The following KANSL1L variants were observed in gnomAD, a reference collection of about 807,000 sequenced individuals.
KANSL1L encodes KAT8 regulatory NSL complex subunit 1-like protein.
Under a neutral mutation model 108.6 loss-of-function variants are expected in KANSL1L, and 25 were observed. The ratio of observed to expected loss-of-function variants is 0.23; its 90% CI spans 0.17 to 0.32. KANSL1L has a LOEUF of 0.32. Ranked by LOEUF, KANSL1L falls within the 10% of genes least tolerant of loss-of-function variation. The pLI, the probability that KANSL1L is intolerant of heterozygous loss-of-function variation, is 1.00. For missense variants in KANSL1L, 1,137 were observed against 1,125.7 expected, an observed-to-expected ratio of 1.01 and a Z score of -0.14; for synonymous variants, 405 against 395.1, an observed-to-expected ratio of 1.03 and a Z score of -0.30.
chr2:210,068,111 C>T (rs1393098866), intron 6 of KANSL1L, among the ~76,000 whole-genome samples: 3 of 152,000 alleles, frequency 2.0e-5, no homozygotes, highest in Non-Finnish European at 4.4e-5. Flanking sequence ...CTCCTGACCT[C>T]GTGATCCATC....
intron 6 of KANSL1L, among the ~76,000 whole-genome samples, chr2:210,064,817 C>CAAAAAA (rs1168784210): frequency 4.7e-5 from 2 of 42,250 alleles, no homozygotes; most frequent in African/African-American, 1.6e-4. Context: ...CCTCCCCCAC[C>CAAAAAA]AAAAAAAAAA....
chr2:210,171,660 G>GAAA, upstream of KANSL1L: 1 of 145,386 alleles, frequency 6.9e-6, no homozygotes, highest in Non-Finnish European at 1.5e-5. Flanking sequence ...TGGCGAGGGG[G>GAAA]AAAAAAAAAA....
chr2:210,165,780 A>G (rs1687917970), intron 1 of KANSL1L, among the ~76,000 whole-genome samples: 1 of 152,210 alleles, frequency 6.6e-6, no homozygotes, highest in Admixed American at 6.5e-5. Context: ...AGTTGTTCTG[A>G]AATTGTGTAA....
intron 2 of KANSL1L, among the ~76,000 whole-genome samples, chr2:210,138,927 C>T (rs150902465): frequency 1.8e-4 from 27 of 151,946 alleles, no homozygotes; most frequent in African/African-American, 5.1e-4. Context: ...GGCGAAACCC[C>T]GCCTCTACTA....
At position 210,040,522 on chromosome 2, in the gene KANSL1L, G is replaced by A. The variant is rs772835557; in HGVS notation, c.1927C>T (p.Pro643Ser). Residue 643 changes from proline to serine, a missense_variant, in exon 8 of 15, where the codon CCT (proline) becomes TCT (serine). This residue lies in a region of KANSL1L where 575 missense variants were observed against 567.1 expected (regional missense o/e 1.01). Coordinates refer to ENST00000281772, the MANE Select transcript of KANSL1L (RefSeq NM_152519.4). ...HSVLSLPSDV[P>S]LHFHFETLLK... is the part of the protein sequence containing the mutation. Reference sequence around the variant, plus strand: ...AGTGTTTCAAAGTGAAAATGAAGAGGCACATCTGGAAAAATAAAATAAAAA... The same window carrying A: ...AGTGTTTCAAAGTGAAAATGAAGAGACACATCTGGAAAAATAAAATAAAAA... 7.5e-6 allele frequency: 11 copies of A among 1,460,020 alleles called. No individual in the cohort carries two copies. In the Admixed American group the frequency reaches 1.9e-4, roughly 25 times the overall value. The allele number at this position is 1,460,020 out of a possible 1,614,324, so 90.4% of individuals were successfully genotyped here.
At position 210,069,339 on chromosome 2, in the gene KANSL1L, A is replaced by G. The variant is rs188520070; in HGVS notation, c.1755+6213T>C. 2.2e-3 allele frequency among the ~76,000 whole-genome samples: 331 copies of G among 152,346 alleles called. 2 individuals carry two copies. Among genetic ancestry groups the G allele is most frequent in the Non-Finnish European group, 2.7e-3 (185 of 68,034 alleles). On this transcript the variant is annotated intron_variant, in intron 6 of 14. Coordinates refer to ENST00000281772, the MANE Select transcript of KANSL1L (RefSeq NM_152519.4). ...TGATGATATACATATTCTCTAAGAT[A>G]ACAGCAGCTTTGTCTTTCATTTTCC...
At chr2:210,079,648 A>ATATATATATATGTATGTG (rs2094570727) in intron 5 of KANSL1L, among the ~76,000 whole-genome samples, 22 of 15,174 alleles carry the variant, frequency 1.4e-3, no homozygotes, top group South Asian at 3.2e-3. Context: ...ATATATATAT[A>ATATATATATATGTATGTG]TATATATATA....
chr2:210,148,530 T>C (rs2095281121), intron 2 of KANSL1L, among the ~76,000 whole-genome samples: 2 of 152,194 alleles, frequency 1.3e-5, no homozygotes. Flanking sequence ...GGAAGGACTA[T>C]ATCTTAAATC....
At chr2:210,135,408 A>C (rs1329026822) in intron 2 of KANSL1L, among the ~76,000 whole-genome samples, 1 of 152,182 alleles carries the variant, frequency 6.6e-6, no homozygotes, top group African/African-American at 2.4e-5. Context: ...TTTTTGGATA[A>C]TAGAGCTCCT....
At position 210,044,181 on chromosome 2, in the gene KANSL1L, T is replaced by C. The variant is rs1287418705; in HGVS notation, c.1756-77A>G. 9.9e-7 allele frequency: 1 copy of C among 1,014,820 alleles called. No homozygotes were observed. Among genetic ancestry groups the C allele is most frequent in the Non-Finnish European group, 1.3e-6 (1 of 743,172 alleles). 62.9% of individuals were successfully genotyped at this position (1,014,820 alleles called of 1,614,324 possible). On this transcript the variant is annotated intron_variant, in intron 6 of 14. Coordinates refer to ENST00000281772, the MANE Select transcript of KANSL1L (RefSeq NM_152519.4). This position sits in a 1 kb window ranked among gnomAD's most constrained non-coding sequence, Gnocchi z 4.2. ...CATATCTCTACATTTATTTAGGTTA[T>C]CTTTAAATAAAATTTTCCAGTTCTA...
chr2:210,145,022 G>T (rs2095255836), intron 2 of KANSL1L, among the ~76,000 whole-genome samples: 1 of 152,196 alleles, frequency 6.6e-6, no homozygotes, highest in Non-Finnish European at 1.5e-5. Context: ...GGTGCAGTGT[G>T]ACAGTTCTGA....
At chr2:210,170,615 T>G (rs1444512175) in intron 1 of KANSL1L, 1 of 152,402 alleles carries the variant, frequency 6.6e-6, no homozygotes, top group Non-Finnish European at 1.5e-5. Flanking sequence ...CTATCCCATC[T>G]AACTCTAAAG....
rs373718478 is a variant in KANSL1L, at chr2:210,119,094, G to A, written c.1230+9937C>T. On this transcript the variant is annotated intron_variant, in intron 3 of 14. Coordinates refer to ENST00000281772, the MANE Select transcript of KANSL1L (RefSeq NM_152519.4). Reference sequence around the variant, plus strand: ...AGCTACTCAGGAGGCTGAGGCAGGAGAATCTCTTGAACCTGGGAGGCGGAG... The same window carrying A: ...AGCTACTCAGGAGGCTGAGGCAGGAAAATCTCTTGAACCTGGGAGGCGGAG... Among the ~76,000 whole-genome samples the A allele has an allele frequency of 1.3e-3, 200 of 152,002 alleles. 1 individual carries two copies. The highest frequency in any genetic ancestry group is 4.6e-3 in the African/African-American group (192 of 41,468).
At chr2:210,071,372 A>C (rs2125314053) in intron 6 of KANSL1L, among the ~76,000 whole-genome samples, 1 of 151,980 alleles carries the variant, frequency 6.6e-6, no homozygotes, top group Admixed American at 6.6e-5. Context: ...GGTTCAAGCG[A>C]TTCTCATGCT....
upstream of KANSL1L, chr2:210,171,575 G>C (rs1185803299): frequency 1.3e-5 from 2 of 152,392 alleles, no homozygotes; most frequent in Non-Finnish European, 2.9e-5. Flanking sequence ...CTCTGGTGCA[G>C]GGTTTACCTC....
intron 14 of KANSL1L, 43 bp downstream of exon 14, chr2:210,023,990 A>G (rs924814896): frequency 3.0e-6 from 4 of 1,347,548 alleles, no homozygotes; most frequent in Non-Finnish European, 4.0e-6. Context: ...CAAGTAGTTA[A>G]AAGTCAAGGA....
At chr2:210,168,838 C>T (rs1360596446) in intron 1 of KANSL1L, among the ~76,000 whole-genome samples, 8 of 152,090 alleles carry the variant, frequency 5.3e-5, no homozygotes, top group Admixed American at 5.2e-4. Flanking sequence ...ATTTCCTGAT[C>T]TTCCATAGAT....
intron 6 of KANSL1L, among the ~76,000 whole-genome samples, chr2:210,073,536 A>T (rs78241932): frequency 6.6e-6 from 1 of 151,910 alleles, no homozygotes; most frequent in Non-Finnish European, 1.5e-5. Flanking sequence ...AAAAAAAAAA[A>T]TGGAAAAGAA....
chr2:210,139,208 C>T (rs924233045), intron 2 of KANSL1L, among the ~76,000 whole-genome samples: 23 of 152,160 alleles, frequency 1.5e-4, no homozygotes, highest in African/African-American at 3.9e-4. Flanking sequence ...GGACTCAACA[C>T]GGTATGTTAT....
Sources: allele counts gnomAD v4.1 joint callset (sites outside exome capture counted in the v4.1 genomes callset), GRCh38; gene constraint gnomAD v4.1.1; regional missense constraint gnomAD v4.1.1; non-coding constraint Gnocchi (gnomAD v3.1); transcripts MANE v1.5; gene names NCBI Gene and HGNC (gene_info 2026-07-23, HGNC 2026-07-21).